KCTD2: variants seen among roughly 807,000 people sequenced by gnomAD.
The protein encoded by KCTD2 is BTB/POZ domain-containing protein KCTD2.
In KCTD2, 18 loss-of-function variants were observed where a neutral mutation model predicts 27.9. That is an observed-to-expected ratio of 0.64 (90% CI 0.45 to 0.96). The LOEUF is 0.96. Ranked by LOEUF, KCTD2 falls within the 40% of genes least tolerant of loss-of-function variation. The pLI is 0.00. For synonymous variants in KCTD2, 175 were observed against 148.4 expected (o/e 1.18, Z -1.30); for missense variants, 280 against 348.0 (o/e 0.80, Z 1.56).
chr17:75,060,649 G>C, intron 4 of KCTD2: 1 of 1,542,842 alleles, frequency 6.5e-7, no homozygotes, highest in Non-Finnish European at 8.7e-7. Context: ...AGTGGGCCCG[G>C]CCAGGGAGGG....
intron 3 of KCTD2, among the ~76,000 whole-genome samples, chr17:75,037,288 G>C (rs1156563701): frequency 6.7e-6 from 1 of 148,562 alleles, no homozygotes; most frequent in Admixed American, 6.8e-5. Flanking sequence ...AGGTTGCAAT[G>C]AGCAGAAATC....
chr17:75,060,699 G>A (rs752657197), intron 4 of KCTD2: 20 of 1,201,326 alleles, frequency 1.7e-5, no homozygotes, highest in East Asian at 2.6e-5. Flanking sequence ...TCAGGGTCTC[G>A]GTCGCCGCCA....
At chr17:75,033,077 T>A (rs1051702778) in intron 1 of KCTD2, 25 of 152,348 alleles carry the variant, frequency 1.6e-4, no homozygotes, top group Middle Eastern at 3.4e-3. Context: ...TTGGCTGAAC[T>A]TCTTCTGTTA....
chr17:75,034,504 G>A (rs528225696), intron 2 of KCTD2, among the ~76,000 whole-genome samples: 12 of 152,280 alleles, frequency 7.9e-5, no homozygotes, highest in Non-Finnish European at 1.5e-4. Flanking sequence ...CCACTGGGGC[G>A]CGGTAAGACG....
chr17:75,052,835 C>T (rs1422204211), intron 2 of KCTD2, among the ~76,000 whole-genome samples, 179 bp from the exon 3 acceptor site: 3 of 152,002 alleles, frequency 2.0e-5, no homozygotes, highest in East Asian at 1.9e-4. Flanking sequence ...CGGAGGTTGC[C>T]GTGAGCCAAG....
intron 5 of KCTD2, 143 bp from the exon 6 acceptor site, chr17:75,062,875 G>T: frequency 1.3e-6 from 1 of 789,504 alleles, no homozygotes. Context: ...GAAGCACTGC[G>T]GGTGAGGCTG....
chr17:75,035,424 C>T (rs2040107141), intron 3 of KCTD2: 1 of 152,154 alleles, frequency 6.6e-6, no homozygotes, highest in African/African-American at 2.4e-5. Context: ...AACATCCAAA[C>T]ATTCGCCTCG....
chr17:75,045,670 T>C (rs907673038), upstream of KCTD2, among the ~76,000 whole-genome samples: 13 of 152,254 alleles, frequency 8.5e-5, no homozygotes, highest in Non-Finnish European at 1.6e-4. Context: ...AGGTTCTCTC[T>C]TGTTCCCTGA....
At position 75,059,600 on chromosome 17, in the gene KCTD2, G is replaced by A; in HGVS notation, c.631G>A (p.Glu211Lys). 1 of 1,613,152 alleles carries A rather than the reference G, an allele frequency of 6.2e-7. No individual in the cohort carries two copies. ...CACGATGTCCGACGGCTGGAAATTC[G>A]AACAGGTACATCTCTTAACAGAGCA... ...VSTMSDGWKF[E>K]QLISIGSSYN... The change falls in exon 4 of 6, where the codon GAA (glutamate) becomes AAA (lysine). Residue 211 changes from glutamate to lysine, a missense_variant. Coordinates refer to ENST00000322444, the MANE Select transcript of KCTD2 (RefSeq NM_015353.3).
intron 5 of KCTD2, among the ~76,000 whole-genome samples, chr17:75,062,699 A>AACACAC (rs10533801): frequency 0.025 from 2,914 of 116,018 alleles, 151 homozygotes; most frequent in Admixed American, 0.069. Flanking sequence ...CCTCACCCCC[A>AACACAC]ACACACACAC....
intron 4 of KCTD2, among the ~76,000 whole-genome samples, chr17:75,061,625 G>C (rs1026689041): frequency 5.3e-5 from 8 of 152,158 alleles, no homozygotes; most frequent in African/African-American, 1.9e-4. Flanking sequence ...ACTCCAGCTT[G>C]GGTGACAGAG....
chr17:75,050,684 A>G (rs1335754776), intron 2 of KCTD2, among the ~76,000 whole-genome samples: 1 of 152,242 alleles, frequency 6.6e-6, no homozygotes, highest in Admixed American at 6.5e-5. Context: ...TTAGTTAAGT[A>G]TCTTTTCTAA....
chr17:75,043,756 AGAC>A (rs2073184458), upstream of KCTD2, among the ~76,000 whole-genome samples: 2 of 152,220 alleles, frequency 1.3e-5, no homozygotes, highest in East Asian at 3.8e-4. Flanking sequence ...ATTCTCCAGT[AGAC>A]AGAAACTGAC....
At chr17:75,042,382 T>C (rs1333101160), upstream of KCTD2, 3 of 1,501,090 alleles carry the variant, frequency 2.0e-6, no homozygotes, top group Admixed American at 1.9e-5. Flanking sequence ...GTCACCACAC[T>C]TTCCTCTCCT....
chr17:75,040,823 T>A (rs1183724804), intron 3 of KCTD2: 1 of 151,620 alleles, frequency 6.6e-6, no homozygotes, highest in East Asian at 1.9e-4. Flanking sequence ...GAGGCGGAGA[T>A]TGCAGTGAGC....
chr17:75,045,015 C>T (rs1399780885), upstream of KCTD2, among the ~76,000 whole-genome samples: 1 of 152,148 alleles, frequency 6.6e-6, no homozygotes, highest in African/African-American at 2.4e-5. Context: ...GGGGAACTTG[C>T]CCCGATAGTC....
upstream of KCTD2, chr17:75,042,438 G>T: frequency 1.3e-6 from 2 of 1,542,886 alleles, no homozygotes; most frequent in South Asian, 1.2e-5. Flanking sequence ...GTTGTCATAA[G>T]GGCATCAAGA....
chr17:75,046,947 C>T (rs984427386), upstream of KCTD2: 5 of 163,698 alleles, frequency 3.1e-5, no homozygotes, highest in Non-Finnish European at 6.6e-5. Flanking sequence ...TGGCTGCCCA[C>T]GGTCCTCCGC....
intron 2 of KCTD2, among the ~76,000 whole-genome samples, chr17:75,049,611 T>G (rs1292964250): frequency 6.6e-6 from 1 of 152,132 alleles, no homozygotes; most frequent in Non-Finnish European, 1.5e-5. Flanking sequence ...GTCACGATCC[T>G]TTTTTTACAT....
Sources: allele counts gnomAD v4.1 joint callset (sites outside exome capture counted in the v4.1 genomes callset), GRCh38; gene constraint gnomAD v4.1.1; transcripts MANE v1.5; gene names NCBI Gene and HGNC (gene_info 2026-07-23, HGNC 2026-07-21).